Variants in CARM1 observed in about 807,000 individuals in gnomAD.
CARM1 encodes coactivator associated arginine methyltransferase 1, also known as histone-arginine methyltransferase CARM1.
A neutral mutation model predicts 72.7 loss-of-function variants in CARM1; 14 were observed. The observed-to-expected ratio is 0.19, with a 90% CI of 0.13 to 0.30. The LOEUF (loss-of-function observed/expected upper bound fraction) is 0.30, where lower values mean the gene tolerates loss of function less well. Ranked by LOEUF, CARM1 falls within the 10% of genes least tolerant of loss-of-function variation. The pLI, the probability that CARM1 is intolerant of heterozygous loss-of-function variation, is 1.00. For missense variants in CARM1, 432 were observed against 833.7 expected, an observed-to-expected ratio of 0.52 and a Z score of 5.93; for synonymous variants, 333 against 345.5, an observed-to-expected ratio of 0.96 and a Z score of 0.40.
intron 2 of CARM1, among the ~76,000 whole-genome samples, 156 bp from the exon 3 acceptor site, chr19:10,907,883 G>A (rs541497027): frequency 8.5e-5 from 13 of 152,252 alleles, no homozygotes; most frequent in African/African-American, 2.9e-4. Context: ...TCTTTTCTTT[G>A]AACTTTGAAA....
At chr19:10,880,573 G>A (rs1464579970) in intron 1 of CARM1, among the ~76,000 whole-genome samples, 1 of 147,204 alleles carries the variant, frequency 6.8e-6, no homozygotes, top group Non-Finnish European at 1.5e-5. Context: ...AGGCGGATGT[G>A]GAACTCCTGG....
At chr19:10,907,991 A>T (rs571207573) in intron 2 of CARM1, 48 bp from the exon 3 acceptor site, 1 of 1,211,782 alleles carries the variant, frequency 8.3e-7, no homozygotes, top group Admixed American at 1.7e-5. Context: ...AGATGGCCAC[A>T]TGCTGGGTTG....
At chr19:10,921,252 G>C (rs1468130801) in intron 14 of CARM1, 123 bp from the exon 15 acceptor site, 6 of 1,429,972 alleles carry the variant, frequency 4.2e-6, no homozygotes, top group Non-Finnish European at 3.9e-6. Context: ...TCTTCCTGGG[G>C]GCTCTCGGCC....
Position 10,921,401 on chromosome 19 carries a change from C to T in CARM1, c.1642C>T (p.His548Tyr). Residue 548 changes from histidine (H) to tyrosine (Y), a missense_variant, in exon 15 of 16, where the codon CAC (histidine) becomes TAC (tyrosine). His to Tyr is a moderately conservative substitution (Grantham distance 83). This residue lies in a region of CARM1 where 142 missense variants were observed against 188.7 expected (regional missense o/e 0.75). Transcript: ENST00000327064. ...LANTGIVNHTHSRMGSIMSTG... is the reference protein window; with the variant it reads ...LANTGIVNHTYSRMGSIMSTG... The stretch of plus-strand genomic sequence containing the variant: ...CAACACGGGGATTGTCAATCACACC[C>T]ACTCCCGGATGGGCTCCATAATGAG... The T allele has an allele frequency of 6.2e-7, 1 of 1,610,260 alleles. No homozygotes were observed. The highest frequency in any genetic ancestry group is 8.5e-7 in the Non-Finnish European group (1 of 1,178,898).
chr19:10,901,747 G>T (rs374080871), intron 1 of CARM1, among the ~76,000 whole-genome samples: 1 of 152,170 alleles, frequency 6.6e-6, no homozygotes, highest in South Asian at 2.1e-4. Context: ...TTCAAAACCA[G>T]CCTGGCCAAC....
intron 1 of CARM1, among the ~76,000 whole-genome samples, chr19:10,898,975 G>GCACAGAGCT (rs1416932203): frequency 6.6e-6 from 1 of 151,972 alleles, no homozygotes; most frequent in African/African-American, 2.4e-5. Context: ...GGAATGATGG[G>GCACAGAGCT]CACAGAGCTC....
chr19:10,894,981 G>C (rs576245752), intron 1 of CARM1, among the ~76,000 whole-genome samples: 1 of 152,246 alleles, frequency 6.6e-6, no homozygotes, highest in East Asian at 1.9e-4. Flanking sequence ...CTGGGCTCAA[G>C]TGATCCTCCC....
At chr19:10,879,609 G>A (rs894621598) in intron 1 of CARM1, among the ~76,000 whole-genome samples, 10 of 152,092 alleles carry the variant, frequency 6.6e-5, no homozygotes, top group East Asian at 1.9e-4. Flanking sequence ...GGTTGGAATC[G>A]AGGATTTTTT....
In CARM1 at chr19:10,916,689, T is replaced by C; in HGVS notation, c.939-7T>C. On this transcript the variant is annotated splice_polypyrimidine_tract_variant and splice_region_variant and intron_variant, in intron 7 of 15. Transcript: ENST00000327064. This position sits in a 1 kb window ranked among gnomAD's most constrained non-coding sequence, Gnocchi z 4.4. ...GACCTTGCTGTGGGGGTGGGGCCTG[T>C]CCACAGGTACCAGCCATCTTTCCAT... is the stretch of plus-strand genomic sequence containing the variant. 6.4e-7 allele frequency: 1 copy of C among 1,569,524 alleles called. No homozygotes were observed. Among genetic ancestry groups the C allele is most frequent in the Non-Finnish European group, 8.6e-7 (1 of 1,156,916 alleles).
chr19:10,916,608 T>C lies in CARM1; in HGVS notation c.939-88T>C. On this transcript the variant is annotated intron_variant, in intron 7 of 15. Coordinates refer to ENST00000327064, the MANE Select transcript of CARM1 (RefSeq NM_199141.2). The surrounding 1 kb of genome is among the most constrained non-coding windows in gnomAD (Gnocchi z 4.4). ...CTTTTTCTGAAAGACTTGGGCTAGA[T>C]GAGGGCTGACTGGGAGAGAAGGCAG... The C allele has an allele frequency of 7.1e-7, 1 of 1,400,148 alleles. No homozygotes were observed. Among genetic ancestry groups the C allele is most frequent in the Non-Finnish European group, 9.9e-7 (1 of 1,007,504 alleles). 86.7% of individuals were successfully genotyped at this position (1,400,148 alleles called of 1,614,324 possible).
rs1555723414 is a variant in CARM1 at position 10,871,601 on chromosome 19, G to GGCGGCGGTGGCGGCT, written c.-95_-94insTGGCGGCTGCGGCGG. On this transcript the variant is annotated 5_prime_UTR_variant, in exon 1 of 16. Coordinates refer to ENST00000327064, the MANE Select transcript of CARM1 (RefSeq NM_199141.2). The surrounding 1 kb of genome is among the most constrained non-coding windows in gnomAD (Gnocchi z 5.6). ...CGGCGGTAGCGGCAGCGGCGGCGGC[G>GGCGGCGGTGGCGGCT]GCGGCGGCGGCGGCGGCGGCGGCGG... is the stretch of plus-strand genomic sequence containing the variant. The GGCGGCGGTGGCGGCT allele has an allele frequency of 2.7e-4, 28 of 104,264 alleles. No homozygotes were observed. The highest frequency in any genetic ancestry group is 6.7e-4 in the Admixed American group (7 of 10,448). The allele number at this position is 104,264 out of a possible 1,614,324, so 6.5% of individuals were successfully genotyped here. A position where few individuals can be genotyped will look rare whatever the true frequency, so the allele number is the denominator to read the frequency against.
chr19:10,875,788 G>C (rs1010507841), intron 1 of CARM1, among the ~76,000 whole-genome samples: 2 of 151,560 alleles, frequency 1.3e-5, no homozygotes, highest in Non-Finnish European at 2.9e-5. Context: ...TATCTAGGAT[G>C]ATCTCATCTC....
At position 10,920,944 on chromosome 19, in the gene CARM1, C is replaced by T; in HGVS notation, c.1535C>T (p.Ala512Val). 6.2e-7 allele frequency: 1 copy of T among 1,613,986 alleles called. No individual in the cohort carries two copies. The highest frequency in any genetic ancestry group is 1.7e-5 in the Admixed American group (1 of 60,036). The change falls in exon 13 of 16, where the codon GCA becomes GTA. Residue 512 changes from alanine (A) to valine (V), a missense_variant and splice_region_variant. Physicochemically the swap from Ala to Val is moderately conservative, Grantham distance 64. Around this residue, in one of 3 missense-constraint regions of CARM1, gnomAD observed 142 missense variants for 188.7 expected, o/e 0.75. Transcript: ENST00000327064. The surrounding 1 kb of genome is among the most constrained non-coding windows in gnomAD (Gnocchi z 5.3). Reference sequence around the variant, plus strand: ...AACCTCAGCAGCGGGATGGCCGTGGCAGGTGAGCAGGGCCCACCCCAATGC... The same window carrying T: ...AACCTCAGCAGCGGGATGGCCGTGGTAGGTGAGCAGGGCCCACCCCAATGC... ...TYNLSSGMAV[A>V]GMPTAYDLSS...
rs2074159196 is a variant in CARM1, at chr19:10,912,458, G to A, written c.669+164G>A. Among the ~76,000 whole-genome samples the A allele has an allele frequency of 6.6e-6, 1 of 151,952 alleles. No individual in the cohort carries two copies. The highest frequency in any genetic ancestry group is 1.5e-5 in the Non-Finnish European group (1 of 68,004). On this transcript the variant is annotated intron_variant, in intron 5 of 15. Transcript: ENST00000327064. The surrounding 1 kb of genome is among the most constrained non-coding windows in gnomAD (Gnocchi z 4.5). ...CAGTCATTTCAGGGAGGGGCTTCAG[G>A]GCCTGAGATGATTTTCTCTCATGGC... is the stretch of plus-strand genomic sequence containing the variant.
At chr19:10,911,980 G>T (rs574124210) in intron 4 of CARM1, among the ~76,000 whole-genome samples, 5 of 152,204 alleles carry the variant, frequency 3.3e-5, no homozygotes, top group Non-Finnish European at 7.3e-5. Flanking sequence ...GGCCGAGCGG[G>T]AGCTTCCCCA....
At chr19:10,872,829 C>G (rs568553130) in intron 1 of CARM1, among the ~76,000 whole-genome samples, 89 of 152,052 alleles carry the variant, frequency 5.9e-4, no homozygotes, top group Non-Finnish European at 6.9e-4. Flanking sequence ...TGTCATTTGG[C>G]TTTGTCTTTC....
In CARM1 at chr19:10,884,031, CGTTTTTT is replaced by C. The variant is rs1257818648; in HGVS notation, c.220+12124_220+12130del. On this transcript the variant is annotated intron_variant, in intron 1 of 15. Transcript: ENST00000327064. ...AGACTCTGTTTTTTTTTTTTTTTTTCGTTTTTTGTTTTTTGTTTTTTTAATTACGGGC... is the reference window on the plus strand; with the variant it reads ...AGACTCTGTTTTTTTTTTTTTTTTTCGTTTTTTGTTTTTTTAATTACGGGC... Among the ~76,000 whole-genome samples the C allele has an allele frequency of 6.2e-4, 47 of 76,150 alleles. 1 individual carries two copies. The highest frequency in any genetic ancestry group is 1.9e-3 in the African/African-American group (41 of 22,056). 50.0% of individuals were successfully genotyped at this position (76,150 alleles called of 152,430 possible).
At position 10,920,338 on chromosome 19, in the gene CARM1, G is replaced by T. The variant is rs1473285736; in HGVS notation, c.1197-98G>T. 3.5e-6 allele frequency: 5 copies of T among 1,416,538 alleles called. No homozygotes were observed. The African/African-American group carries it at 7.2e-5, about 20-fold the overall frequency. The allele number at this position is 1,416,538 out of a possible 1,614,324, so 87.7% of individuals were successfully genotyped here. A position where few individuals can be genotyped will look rare whatever the true frequency, so the allele number is the denominator to read the frequency against. Reference sequence around the variant, plus strand: ...TCCAGGGTCCCAGGGGTCCCTGGCAGAGGGGGCAGGTGCTTGGGGAGGACT... The same window carrying T: ...TCCAGGGTCCCAGGGGTCCCTGGCATAGGGGGCAGGTGCTTGGGGAGGACT... On this transcript the variant is annotated intron_variant, in intron 10 of 15. Coordinates refer to ENST00000327064, the MANE Select transcript of CARM1 (RefSeq NM_199141.2). The surrounding 1 kb of genome is among the most constrained non-coding windows in gnomAD (Gnocchi z 5.3).
intron 1 of CARM1, among the ~76,000 whole-genome samples, chr19:10,876,053 A>G (rs867374938): frequency 3.3e-5 from 5 of 151,218 alleles, no homozygotes; most frequent in Middle Eastern, 6.8e-3. Flanking sequence ...TTTTTTTTGT[A>G]TTTTTAGTAG....
Sources: allele counts gnomAD v4.1 joint callset (sites outside exome capture counted in the v4.1 genomes callset), GRCh38; gene constraint gnomAD v4.1.1; regional missense constraint gnomAD v4.1.1; non-coding constraint Gnocchi (gnomAD v3.1); transcripts MANE v1.5; gene names NCBI Gene and HGNC (gene_info 2026-07-23, HGNC 2026-07-21).